The following HIVEP3 variants were observed in gnomAD, a reference collection of about 807,000 sequenced individuals.
HIVEP3 encodes HIVEP zinc finger 3, also known as transcription factor HIVEP3.
A neutral mutation model predicts 152.8 loss-of-function variants in HIVEP3; 49 were observed. The ratio of observed to expected loss-of-function variants is 0.32; its 90% CI spans 0.26 to 0.41. The LOEUF (loss-of-function observed/expected upper bound fraction) is 0.41. Ranked by LOEUF, HIVEP3 falls within the 10% of genes least tolerant of loss-of-function variation. The pLI is 1.00. For synonymous variants in HIVEP3, 1,269 were observed against 1,289.0 expected (o/e 0.98, Z 0.33); for missense variants, 2,790 against 3,103.3 (o/e 0.90, Z 2.40).
At chr1:41,723,082 C>T (rs1272693519) in intron 1 of HIVEP3, among the ~76,000 whole-genome samples, 1 of 152,072 alleles carries the variant, frequency 6.6e-6, no homozygotes, top group Non-Finnish European at 1.5e-5. Context: ...TGGGGAATGA[C>T]GTGACCAGGT....
At chr1:41,844,611 T>G (rs661662) in intron 1 of HIVEP3, among the ~76,000 whole-genome samples, 73,973 of 151,976 alleles carry the variant, frequency 0.49, 20,282 homozygotes, top group African/African-American at 0.75. Context: ...CTACAAACCA[T>G]AGAGGCTGAA....
At chr1:41,639,602 C>T (rs945651755) in intron 2 of HIVEP3, among the ~76,000 whole-genome samples, 3 of 152,218 alleles carry the variant, frequency 2.0e-5, no homozygotes, top group African/African-American at 7.2e-5. Flanking sequence ...AATCTCTCCT[C>T]CTTCTGGCTT....
chr1:41,625,931 C>T (rs944451777), intron 3 of HIVEP3, among the ~76,000 whole-genome samples: 2 of 152,190 alleles, frequency 1.3e-5, no homozygotes, highest in Non-Finnish European at 2.9e-5. Flanking sequence ...CAAGATTTGG[C>T]TTTTAAAAAT....
intron 3 of HIVEP3, among the ~76,000 whole-genome samples, chr1:41,625,273 G>A (rs1302302420): frequency 6.6e-6 from 1 of 150,606 alleles, no homozygotes; most frequent in Non-Finnish European, 1.5e-5. Context: ...GATAAAGCAA[G>A]CAATACAATG....
At chr1:41,995,714 T>G (rs1391198893) in intron 1 of HIVEP3, among the ~76,000 whole-genome samples, 2 of 152,224 alleles carry the variant, frequency 1.3e-5, no homozygotes, top group African/African-American at 4.8e-5. Flanking sequence ...GTGGAGTTAA[T>G]GTGTCCTGGG....
At chr1:41,827,100 AC>A (rs1642825899) in intron 1 of HIVEP3, among the ~76,000 whole-genome samples, 3 of 152,198 alleles carry the variant, frequency 2.0e-5, no homozygotes, top group African/African-American at 7.2e-5. Context: ...GATGGTCACC[AC>A]GCTGCCCCAG....
intron 1 of HIVEP3, among the ~76,000 whole-genome samples, chr1:42,003,961 C>A (rs114233998): frequency 2.2e-3 from 341 of 152,246 alleles, no homozygotes; most frequent in African/African-American, 7.8e-3. Context: ...CAAATCAATG[C>A]AAATGTCTCA....
chr1:41,517,641 T>A (rs953953124), intron 7 of HIVEP3, among the ~76,000 whole-genome samples: 40 of 152,174 alleles, frequency 2.6e-4, no homozygotes, highest in Admixed American at 1.4e-3. Context: ...GCTGGCGAGA[T>A]GGCTCCAGCC....
chr1:41,556,132 T>C (rs572070058), intron 5 of HIVEP3, among the ~76,000 whole-genome samples: 32 of 152,320 alleles, frequency 2.1e-4, no homozygotes, highest in African/African-American at 7.5e-4. Flanking sequence ...TCGGTATTGG[T>C]GGTATGTACT....
At chr1:41,537,711 G>A (rs1643433463) in intron 5 of HIVEP3, among the ~76,000 whole-genome samples, 1 of 152,250 alleles carries the variant, frequency 6.6e-6, no homozygotes, top group Non-Finnish European at 1.5e-5. Flanking sequence ...GGGTCATGGG[G>A]AAAGTTCACA....
At chr1:41,970,248 T>C (rs966523532) in intron 1 of HIVEP3, among the ~76,000 whole-genome samples, 1 of 152,206 alleles carries the variant, frequency 6.6e-6, no homozygotes, top group Non-Finnish European at 1.5e-5. Flanking sequence ...CATATGTTCA[T>C]TGCAGCACTA....
At chr1:41,836,973 C>T (rs1198649447) in intron 1 of HIVEP3, among the ~76,000 whole-genome samples, 1 of 152,218 alleles carries the variant, frequency 6.6e-6, no homozygotes, top group Admixed American at 6.5e-5. Context: ...CATGTCCCTA[C>T]TTAGAACCTT....
intron 2 of HIVEP3, among the ~76,000 whole-genome samples, chr1:41,655,515 G>C (rs1348470724): frequency 7.0e-6 from 1 of 143,500 alleles, no homozygotes; most frequent in African/African-American, 2.6e-5. Context: ...CCCAGGAGGC[G>C]AAGGTTGTAG....
intron 1 of HIVEP3, among the ~76,000 whole-genome samples, chr1:41,971,581 C>A (rs1041192002): frequency 6.6e-6 from 1 of 152,118 alleles, no homozygotes; most frequent in Non-Finnish European, 1.5e-5. Context: ...GAGCTCCAGT[C>A]GCCCCAGACC....
chr1:41,531,726 CAG>C (rs1434904548), intron 5 of HIVEP3, among the ~76,000 whole-genome samples: 8 of 86,854 alleles, frequency 9.2e-5, no homozygotes, highest in Non-Finnish European at 1.2e-4. Context: ...AGATGGAAGA[CAG>C]GGGCGATAGA....
intron 5 of HIVEP3, among the ~76,000 whole-genome samples, chr1:41,527,328 A>C (rs1259768263): frequency 9.5e-5 from 4 of 42,060 alleles, no homozygotes; most frequent in Non-Finnish European, 2.2e-4. Flanking sequence ...CTGCACTCAC[A>C]CACACATCCC....
chr1:41,934,924 G>A (rs1412383725), intron 1 of HIVEP3, among the ~76,000 whole-genome samples: 1 of 152,000 alleles, frequency 6.6e-6, no homozygotes, highest in Non-Finnish European at 1.5e-5. Context: ...TAACTCTAGA[G>A]GCTTTCTAGT....
intron 1 of HIVEP3, among the ~76,000 whole-genome samples, chr1:41,785,343 G>A (rs1015683650): frequency 2.0e-5 from 3 of 152,158 alleles, no homozygotes; most frequent in Non-Finnish European, 4.4e-5. Context: ...GCAGAGAATG[G>A]GGAGGGTTGC....
Position 41,628,885 on chromosome 1 carries a change from G to C in HIVEP3, c.-658C>G. 8.1e-7 allele frequency: 1 copy of C among 1,231,938 alleles called. No homozygotes were observed. 76.3% of individuals were successfully genotyped at this position (1,231,938 alleles called of 1,614,324 possible). A position where few individuals can be genotyped will look rare whatever the true frequency, so the allele number is the denominator to read the frequency against. On this transcript the variant is annotated 5_prime_UTR_variant, in exon 3 of 9. Transcript: ENST00000372583. ...CCCACCAGAGGGGCGGGCTTGCTTG[G>C]CCAGGACCCCGCGAGGCTCCTCCAT...
Sources: allele counts gnomAD v4.1 joint callset (sites outside exome capture counted in the v4.1 genomes callset), GRCh38; gene constraint gnomAD v4.1.1; transcripts MANE v1.5; gene names NCBI Gene and HGNC (gene_info 2026-07-23, HGNC 2026-07-21).